SV2C: variants seen among roughly 807,000 people sequenced by gnomAD.
SV2C encodes the protein synaptic vesicle glycoprotein 2C.
A neutral mutation model predicts 79.7 loss-of-function variants in SV2C; 49 were observed. That is an observed-to-expected ratio of 0.61 (90% CI 0.49 to 0.78). The LOEUF (loss-of-function observed/expected upper bound fraction) is 0.78. Among genes scored for constraint, SV2C ranks in the 30% least tolerant of loss-of-function variants. SV2C has a pLI of 0.00. For synonymous variants in SV2C, 334 were observed against 333.2 expected, an observed-to-expected ratio of 1.00 and a Z score of -0.03; for missense variants, 833 against 912.9, an observed-to-expected ratio of 0.91 and a Z score of 1.13.
chr5:76,139,220 G>C (rs532060398), intron 2 of SV2C, among the ~76,000 whole-genome samples: 1 of 152,142 alleles, frequency 6.6e-6, no homozygotes, highest in African/African-American at 2.4e-5. Flanking sequence ...CCTCCAAATA[G>C]TGCTCAGGGT....
At chr5:76,233,347 A>G (rs1745497734) in intron 4 of SV2C, among the ~76,000 whole-genome samples, 1 of 139,352 alleles carries the variant, frequency 7.2e-6, no homozygotes, top group Non-Finnish European at 1.5e-5. Flanking sequence ...GGGCTGAGAC[A>G]ATGGGGTTTT....
At chr5:76,004,654 A>G in the SV2C span, among the ~76,000 whole-genome samples, 213 of 152,290 alleles carry the variant, frequency 1.4e-3, 1 homozygote, top group Admixed American at 4.9e-3. Context: ...GGCCAAGAAA[A>G]TGAAGACATT....
the SV2C span, among the ~76,000 whole-genome samples, chr5:76,030,406 A>G: frequency 6.6e-6 from 1 of 151,220 alleles, no homozygotes; most frequent in Admixed American, 6.6e-5. Context: ...CGTATTGAGC[A>G]CTTCACAGAC....
the SV2C span, among the ~76,000 whole-genome samples, chr5:76,071,133 A>G: frequency 1.3e-5 from 2 of 152,248 alleles, no homozygotes; most frequent in Non-Finnish European, 2.9e-5. Flanking sequence ...AGTGCTCCAC[A>G]GTCCTCAAAC....
chr5:75,988,534 AAC>A, the SV2C span, among the ~76,000 whole-genome samples: 3 of 152,006 alleles, frequency 2.0e-5, no homozygotes, highest in Non-Finnish European at 4.4e-5. Context: ...AAATGAAAGT[AAC>A]AGTCATGCCT....
intron 1 of SV2C, among the ~76,000 whole-genome samples, chr5:76,111,176 G>A (rs1407414309): frequency 6.6e-6 from 1 of 152,102 alleles, no homozygotes; most frequent in Admixed American, 6.5e-5. Flanking sequence ...CCTTTTTTGG[G>A]GGAGGAGAAG....
At chr5:76,013,730 A>T in the SV2C span, among the ~76,000 whole-genome samples, 1 of 152,166 alleles carries the variant, frequency 6.6e-6, no homozygotes, top group Non-Finnish European at 1.5e-5. Flanking sequence ...ATCAAGCATG[A>T]CCACATTAGA....
At chr5:76,339,520 C>T (rs1335598030) in intron 12 of SV2C, among the ~76,000 whole-genome samples, 5 of 152,102 alleles carry the variant, frequency 3.3e-5, no homozygotes, top group Non-Finnish European at 7.4e-5. Flanking sequence ...CGAGACCATC[C>T]TGGCTAACAA....
chr5:76,323,704 C>T (rs1404492125), intron 12 of SV2C, among the ~76,000 whole-genome samples: 1 of 152,122 alleles, frequency 6.6e-6, no homozygotes. Context: ...TACTATGCAG[C>T]CATAAAAAAG....
intron 4 of SV2C, among the ~76,000 whole-genome samples, chr5:76,251,104 G>C (rs1746101570): frequency 6.6e-6 from 1 of 152,124 alleles, no homozygotes; most frequent in Non-Finnish European, 1.5e-5. Flanking sequence ...CCCTTTAAAT[G>C]CTTCCTCTTA....
chr5:76,254,825 A>G (rs1474305985), intron 4 of SV2C, among the ~76,000 whole-genome samples: 2 of 152,186 alleles, frequency 1.3e-5, no homozygotes, highest in Admixed American at 1.3e-4. Flanking sequence ...TATTATTGTA[A>G]CCAAGAAACA....
At chr5:75,916,556 C>T in the SV2C span, among the ~76,000 whole-genome samples, 1 of 152,086 alleles carries the variant, frequency 6.6e-6, no homozygotes, top group African/African-American at 2.4e-5. Flanking sequence ...CTCACTGCAA[C>T]CTCCGTCTCC....
chr5:76,095,061 C>T (rs1220111685), intron 1 of SV2C, among the ~76,000 whole-genome samples: 2 of 151,168 alleles, frequency 1.3e-5, no homozygotes, highest in Non-Finnish European at 3.0e-5. Flanking sequence ...TGTTTTTTTT[C>T]TAGAGATTTT....
At chr5:76,339,936 T>C (rs1024136597) in intron 12 of SV2C, among the ~76,000 whole-genome samples, 2 of 151,988 alleles carry the variant, frequency 1.3e-5, no homozygotes, top group Non-Finnish European at 2.9e-5. Context: ...AGTCACAGGA[T>C]GAGATAGGAG....
chr5:76,349,232 C>G (rs1292708022), intron 12 of SV2C, among the ~76,000 whole-genome samples: 1 of 152,178 alleles, frequency 6.6e-6, no homozygotes, highest in African/African-American at 2.4e-5. Flanking sequence ...AGTAATTAGG[C>G]CAAGCACGGT....
At chr5:75,935,193 C>T in the SV2C span, among the ~76,000 whole-genome samples, 189 of 152,196 alleles carry the variant, frequency 1.2e-3, no homozygotes, top group African/African-American at 4.3e-3. Flanking sequence ...AAATTCACTA[C>T]GTGCTTGCTC....
intron 4 of SV2C, among the ~76,000 whole-genome samples, chr5:76,255,733 C>T (rs1386398031): frequency 1.3e-5 from 2 of 152,158 alleles, no homozygotes; most frequent in East Asian, 3.9e-4. Flanking sequence ...GCCTGGCCAC[C>T]TTATGCGCCC....
At position 76,131,900 on chromosome 5, in the gene SV2C, A is replaced by G; in HGVS notation, c.150A>G (p.Gln50=). The change falls in exon 2 of 13, where the codon CAA becomes CAG. Residue 50 remains glutamine, a synonymous_variant. Coordinates refer to ENST00000502798, the MANE Select transcript of SV2C (RefSeq NM_014979.4). ...EYTQRSYSRF[Q]DEEDDDDYYP... Reference sequence around the variant, plus strand: ...CCCAGAGGTCCTACAGTCGGTTCCAAGATGAAGAAGATGATGATGACTACT... The same window carrying G: ...CCCAGAGGTCCTACAGTCGGTTCCAGGATGAAGAAGATGATGATGACTACT... 6.2e-7 allele frequency: 1 copy of G among 1,614,080 alleles called. No individual in the cohort carries two copies. Among genetic ancestry groups the G allele is most frequent in the Non-Finnish European group, 8.5e-7 (1 of 1,180,012 alleles).
At chr5:75,922,589 T>G in the SV2C span, among the ~76,000 whole-genome samples, 9 of 152,330 alleles carry the variant, frequency 5.9e-5, no homozygotes, top group African/African-American at 1.7e-4. Flanking sequence ...AATCAAAACA[T>G]TTCCTCACCC....
Sources: allele counts gnomAD v4.1 joint callset (sites outside exome capture counted in the v4.1 genomes callset), GRCh38; gene constraint gnomAD v4.1.1; transcripts MANE v1.5; gene names NCBI Gene and HGNC (gene_info 2026-07-23, HGNC 2026-07-21).